Variants in DSCAML1 observed in about 807,000 individuals in gnomAD.
DSCAML1 encodes DS cell adhesion molecule like 1, also known as cell adhesion molecule DSCAML1.
DSCAML1 carries 38 observed loss-of-function variants against 200.5 expected under a neutral mutation model. The observed-to-expected ratio is 0.19, with a 90% CI of 0.15 to 0.25. DSCAML1 has a LOEUF of 0.25. Ranked by LOEUF, DSCAML1 falls within the 10% of genes least tolerant of loss-of-function variation. DSCAML1 has a pLI of 1.00. For synonymous variants in DSCAML1, 1,215 were observed against 1,165.0 expected, an observed-to-expected ratio of 1.04 and a Z score of -0.87; for missense variants, 2,223 against 2,858.8, an observed-to-expected ratio of 0.78 and a Z score of 5.07.
At chr11:117,493,418 G>A (rs2049226844) in intron 11 of DSCAML1, among the ~76,000 whole-genome samples, 1 of 151,402 alleles carries the variant, frequency 6.6e-6, no homozygotes, top group Non-Finnish European at 1.5e-5. Context: ...CCGGGTTCAA[G>A]TGATTTCCCT....
At chr11:117,679,708 T>C (rs557582454) in intron 3 of DSCAML1, among the ~76,000 whole-genome samples, 3 of 152,308 alleles carry the variant, frequency 2.0e-5, no homozygotes, top group African/African-American at 7.2e-5. Flanking sequence ...CCTGCCTGAG[T>C]TCCCTTGGAT....
intron 14 of DSCAML1, among the ~76,000 whole-genome samples, chr11:117,479,835 G>A (rs1208398308): frequency 6.6e-6 from 1 of 152,168 alleles, no homozygotes; most frequent in African/African-American, 2.4e-5. Context: ...TTTTAGTAGA[G>A]ATGGGGTTCG....
rs2048524022 is a variant in DSCAML1, at chr11:117,463,602, T to C, written c.3265+1340A>G. Among the ~76,000 whole-genome samples the C allele has an allele frequency of 6.6e-6, 1 of 152,170 alleles. No homozygotes were observed. Among genetic ancestry groups the C allele is most frequent in the African/African-American group, 2.4e-5 (1 of 41,438 alleles). On this transcript the variant is annotated intron_variant, in intron 17 of 32. Transcript: ENST00000651296. The surrounding 1 kb of genome is among the most constrained non-coding windows in gnomAD (Gnocchi z 4.0). ...CTCCTGGCACTAAGAGGAGACAAGC[T>C]GATCTTCCTCAATCCAGCCAGGCCC... is the stretch of plus-strand genomic sequence containing the variant.
At position 117,438,895 on chromosome 11, in the gene DSCAML1, G is replaced by A; in HGVS notation, c.4233C>T (p.Ser1411=). ...LTWIPGDNGG[S]SIRGFVLQYS... Reference sequence around the variant, plus strand: ...CAGACCCCTCCTCACCTCGGATGGAGCTGCCCCCATTGTCACCTGGAATCC... The same window carrying A: ...CAGACCCCTCCTCACCTCGGATGGAACTGCCCCCATTGTCACCTGGAATCC... The change falls in exon 24 of 33, where the codon AGC becomes AGT. Residue 1411 remains serine (S), a synonymous_variant. Transcript: ENST00000651296. 1.2e-6 allele frequency: 2 copies of A among 1,601,644 alleles called. No individual in the cohort carries two copies. The highest frequency in any genetic ancestry group is 1.7e-6 in the Non-Finnish European group (2 of 1,175,504).
At chr11:117,455,368 C>T (rs2048352052) in intron 19 of DSCAML1, among the ~76,000 whole-genome samples, 1 of 152,224 alleles carries the variant, frequency 6.6e-6, no homozygotes, top group Admixed American at 6.5e-5. Flanking sequence ...TGCCTGCCAT[C>T]AACAAGAATT....
At position 117,783,041 on chromosome 11, in the gene DSCAML1, C is replaced by G. The variant is rs117240618; in HGVS notation, c.47-2231G>C. Among the ~76,000 whole-genome samples the G allele has an allele frequency of 6.4e-3, 975 of 152,330 alleles. 24 individuals are homozygous for G. In the East Asian group the frequency reaches 0.077, roughly 12 times the overall value. ...AATAAAGAGGGACCTTCACCTTCCT[C>G]AGACATAACCTGGCCACCAACTTCC... On this transcript the variant is annotated intron_variant, in intron 1 of 32. Transcript: ENST00000651296.
chr11:117,771,537 A>C (rs1454195590), intron 3 of DSCAML1, among the ~76,000 whole-genome samples: 1 of 152,200 alleles, frequency 6.6e-6, no homozygotes, highest in Non-Finnish European at 1.5e-5. Flanking sequence ...TTCTGTTCCC[A>C]GGCAAGTGCA....
chr11:117,593,146 C>T (rs1403165780), intron 3 of DSCAML1, among the ~76,000 whole-genome samples: 1 of 152,084 alleles, frequency 6.6e-6, no homozygotes, highest in Non-Finnish European at 1.5e-5. Flanking sequence ...GGCCCAGCTC[C>T]TCCATCCCCT....
intron 3 of DSCAML1, among the ~76,000 whole-genome samples, chr11:117,764,977 C>T (rs559878969): frequency 4.6e-5 from 7 of 152,222 alleles, no homozygotes; most frequent in African/African-American, 1.2e-4. Flanking sequence ...CCACCCACTT[C>T]GACAGGCCCT....
At chr11:117,762,728 T>C (rs1483626682) in intron 3 of DSCAML1, among the ~76,000 whole-genome samples, 1 of 152,046 alleles carries the variant, frequency 6.6e-6, no homozygotes, top group Admixed American at 6.6e-5. Flanking sequence ...TCAGGTGTGG[T>C]GGCAGGTGCC....
At chr11:117,523,066 G>A (rs1266960723) in intron 5 of DSCAML1, among the ~76,000 whole-genome samples, 1 of 152,188 alleles carries the variant, frequency 6.6e-6, no homozygotes, top group East Asian at 1.9e-4. Context: ...AAGGGATTAT[G>A]TAGCTGTGCA....
At chr11:117,684,841 G>A (rs916041135) in intron 3 of DSCAML1, among the ~76,000 whole-genome samples, 1 of 152,252 alleles carries the variant, frequency 6.6e-6, no homozygotes, top group Non-Finnish European at 1.5e-5. Context: ...TTTAGCCAAA[G>A]GGAGAGACTG....
intron 3 of DSCAML1, among the ~76,000 whole-genome samples, chr11:117,568,837 C>T (rs1444729166): frequency 6.6e-6 from 1 of 152,162 alleles, no homozygotes; most frequent in Non-Finnish European, 1.5e-5. Context: ...ATCAGGCTAC[C>T]AATGACTTTC....
Position 117,554,747 on chromosome 11 carries a change from TG to T in DSCAML1, c.512-22226del, listed in dbSNP as rs372077066. On this transcript the variant is annotated intron_variant, in intron 3 of 32. Coordinates refer to ENST00000651296, the MANE Select transcript of DSCAML1 (RefSeq NM_020693.4). ...GGAAAGTGAGGCTCAGAAGTGCAGCTGTGTTGCAATCATGAGGATGGCAGAG... is the reference window on the plus strand; with the variant it reads ...GGAAAGTGAGGCTCAGAAGTGCAGCTTGTTGCAATCATGAGGATGGCAGAG... Among the ~76,000 whole-genome samples the T allele has an allele frequency of 3.4e-4, 52 of 152,286 alleles. No homozygotes were observed. In the East Asian group the frequency reaches 8.5e-3, roughly 25 times the overall value.
intron 3 of DSCAML1, among the ~76,000 whole-genome samples, chr11:117,749,485 A>G (rs1364400743): frequency 2.6e-5 from 4 of 152,218 alleles, no homozygotes; most frequent in Admixed American, 2.6e-4. Flanking sequence ...CTGTTAGCAC[A>G]GAGATCTCAG....
At chr11:117,775,340 A>T (rs1213215775) in intron 3 of DSCAML1, among the ~76,000 whole-genome samples, 2 of 152,170 alleles carry the variant, frequency 1.3e-5, no homozygotes, top group African/African-American at 2.4e-5. Flanking sequence ...AGCCTTCAGC[A>T]CCATCCTCAT....
At chr11:117,508,545 A>G (rs981097738) in intron 8 of DSCAML1, among the ~76,000 whole-genome samples, 5 of 146,556 alleles carry the variant, frequency 3.4e-5, no homozygotes, top group African/African-American at 7.6e-5. Context: ...CTAGAATAAG[A>G]GGGGGGGTCT....
chr11:117,456,021 C>A (rs2048361959), intron 19 of DSCAML1, among the ~76,000 whole-genome samples: 1 of 152,196 alleles, frequency 6.6e-6, no homozygotes, highest in Admixed American at 6.5e-5. Context: ...CTGATAATTC[C>A]ATTTCCCGTT....
intron 3 of DSCAML1, among the ~76,000 whole-genome samples, chr11:117,740,043 A>G (rs889194020): frequency 1.3e-5 from 2 of 152,166 alleles, no homozygotes; most frequent in African/African-American, 4.8e-5. Context: ...AGAGATTCCC[A>G]AAAGGGATGT....
Sources: allele counts gnomAD v4.1 joint callset (sites outside exome capture counted in the v4.1 genomes callset), GRCh38; gene constraint gnomAD v4.1.1; non-coding constraint Gnocchi (gnomAD v3.1); transcripts MANE v1.5; gene names NCBI Gene and HGNC (gene_info 2026-07-23, HGNC 2026-07-21).